ZNF804A: variants seen among roughly 807,000 people sequenced by gnomAD.
ZNF804A encodes the protein zinc finger protein 804A.
In ZNF804A, 2 loss-of-function variants were observed where a neutral mutation model predicts 16.5. That is an observed-to-expected ratio of 0.12 (90% CI 0.05 to 0.38). The LOEUF (loss-of-function observed/expected upper bound fraction) is 0.38. ZNF804A is among the 10% of genes least tolerant of loss of function. The pLI, the probability that ZNF804A is intolerant of heterozygous loss-of-function variation, is 0.99. For missense variants in ZNF804A, 1,473 were observed against 1,390.7 expected (o/e 1.06, Z -0.94); for synonymous variants, 534 against 489.6 (o/e 1.09, Z -1.20).
intron 1 of ZNF804A, among the ~76,000 whole-genome samples, chr2:184,762,978 T>C (rs923933432): frequency 1.3e-5 from 2 of 152,188 alleles, no homozygotes; most frequent in South Asian, 2.1e-4. Flanking sequence ...AAATCACAAA[T>C]GTTATTTCTA....
At position 184,883,757 on chromosome 2, in the gene ZNF804A, C is replaced by A. The variant is rs78519785; in HGVS notation, c.255+17245C>A. On this transcript the variant is annotated intron_variant, in intron 2 of 3. Transcript: ENST00000302277. The stretch of plus-strand genomic sequence containing the variant: ...CATTTGATAAAATTCAACACCCCTT[C>A]GCATTAAAAACCCTCAACAAACCAG... 1.1e-4 allele frequency among the ~76,000 whole-genome samples: 17 copies of A among 151,968 alleles called. 1 individual carries two copies. Among genetic ancestry groups the A allele is most frequent in the Admixed American group, 9.8e-4 (15 of 15,246 alleles).
intron 1 of ZNF804A, among the ~76,000 whole-genome samples, chr2:184,813,993 C>CTTTTTTTTT (rs1163432699): frequency 8.1e-5 from 4 of 49,196 alleles, no homozygotes; most frequent in Admixed American, 2.9e-4. Context: ...AGAAAGGCAG[C>CTTTTTTTTT]TTTTTTTTTT....
chr2:184,847,375 A>G (rs909176263), intron 1 of ZNF804A, among the ~76,000 whole-genome samples: 3 of 151,972 alleles, frequency 2.0e-5, no homozygotes, highest in East Asian at 1.9e-4. Context: ...TTCTAACTCA[A>G]TTGTTATTTG....
At chr2:184,831,305 C>G (rs565458257) in intron 1 of ZNF804A, among the ~76,000 whole-genome samples, 1 of 151,570 alleles carries the variant, frequency 6.6e-6, no homozygotes, top group Non-Finnish European at 1.5e-5. Context: ...TTCCTTTACT[C>G]TGTGTGTGTG....
chr2:184,728,870 G>T (rs1210655010), intron 1 of ZNF804A, among the ~76,000 whole-genome samples: 1 of 151,766 alleles, frequency 6.6e-6, no homozygotes, highest in Non-Finnish European at 1.5e-5. Flanking sequence ...TTTAAAAAAG[G>T]AAATGGTCTT....
chr2:184,611,693 C>A (rs1559107705), intron 1 of ZNF804A, among the ~76,000 whole-genome samples: 4 of 151,690 alleles, frequency 2.6e-5, no homozygotes, highest in Non-Finnish European at 5.9e-5. Flanking sequence ...CTCTTCTTTT[C>A]AAAAAAACAG....
At chr2:184,725,033 A>AT (rs1452606276) in intron 1 of ZNF804A, among the ~76,000 whole-genome samples, 1 of 151,742 alleles carries the variant, frequency 6.6e-6, no homozygotes, top group Admixed American at 6.6e-5. Flanking sequence ...ATTTATAATT[A>AT]TTTTTTGAGA....
chr2:184,613,446 T>A (rs1452815610), intron 1 of ZNF804A, among the ~76,000 whole-genome samples: 1 of 152,198 alleles, frequency 6.6e-6, no homozygotes, highest in African/African-American at 2.4e-5. Context: ...AATAATTCAT[T>A]TGAAAAGGAA....
chr2:184,747,724 G>GT, intron 1 of ZNF804A, among the ~76,000 whole-genome samples: 1 of 150,944 alleles, frequency 6.6e-6, no homozygotes, highest in Non-Finnish European at 1.5e-5. Context: ...GGAGGTACAT[G>GT]TGTAGGATGG....
At chr2:184,893,295 C>T (rs1220462074) in intron 2 of ZNF804A, among the ~76,000 whole-genome samples, 1 of 151,956 alleles carries the variant, frequency 6.6e-6, no homozygotes, top group Non-Finnish European at 1.5e-5. Context: ...TCCTAACCAA[C>T]TTAGGACTCA....
At chr2:184,690,026 A>T (rs114981411) in intron 1 of ZNF804A, among the ~76,000 whole-genome samples, 1 of 151,966 alleles carries the variant, frequency 6.6e-6, no homozygotes, top group Non-Finnish European at 1.5e-5. Context: ...ATTTCAAAAC[A>T]TCTCTCAAAA....
intron 1 of ZNF804A, among the ~76,000 whole-genome samples, chr2:184,630,413 G>A (rs972775984): frequency 2.3e-4 from 35 of 152,052 alleles, no homozygotes; most frequent in African/African-American, 7.5e-4. Flanking sequence ...TCCTTCCTCC[G>A]ATTTTTTACA....
intron 1 of ZNF804A, among the ~76,000 whole-genome samples, chr2:184,600,614 C>T (rs113222766): frequency 3.3e-5 from 5 of 152,070 alleles, no homozygotes; most frequent in East Asian, 3.9e-4. Context: ...ATTTAACTTA[C>T]GGTTAAAGGC....
intron 1 of ZNF804A, among the ~76,000 whole-genome samples, chr2:184,802,946 T>C (rs1015497538): frequency 6.6e-6 from 1 of 152,162 alleles, no homozygotes; most frequent in Non-Finnish European, 1.5e-5. Flanking sequence ...AGGAAAGTGA[T>C]TTTACTTCTT....
At chr2:184,785,278 A>G (rs1320080) in intron 1 of ZNF804A, among the ~76,000 whole-genome samples, 21,655 of 151,962 alleles carry the variant, frequency 0.14, 1,679 homozygotes, top group Middle Eastern at 0.24. Flanking sequence ...ATCTGCATAA[A>G]TTAATAGTAA....
At chr2:184,815,228 A>C (rs1039643790) in intron 1 of ZNF804A, among the ~76,000 whole-genome samples, 5 of 152,020 alleles carry the variant, frequency 3.3e-5, no homozygotes, top group Admixed American at 3.3e-4. Context: ...CCTATTTTTC[A>C]GTACCGATAG....
At position 184,646,443 on chromosome 2, in the gene ZNF804A, C is replaced by T. The variant is rs868529707; in HGVS notation, c.111+47373C>T. ...CATCAGGGCCCTCTGTGGTTTATGC[C>T]CAGGCAGAGCTCCAAGTATTCAGAG... On this transcript the variant is annotated intron_variant, in intron 1 of 3. Transcript: ENST00000302277. Among the ~76,000 whole-genome samples, 4 of 152,148 alleles carry T rather than the reference C, an allele frequency of 2.6e-5. 1 individual carries two copies. Among genetic ancestry groups the T allele is most frequent in the Admixed American group, 2.0e-4 (3 of 15,276 alleles).
chr2:184,866,563 T>A (rs1033946825), intron 2 of ZNF804A, 51 bp downstream of exon 2: 4 of 1,527,666 alleles, frequency 2.6e-6, no homozygotes, highest in Non-Finnish European at 3.5e-6. Context: ...TGTGTAATAG[T>A]TTTAATTGTG....
chr2:184,736,719 G>A (rs1402623167), intron 1 of ZNF804A, among the ~76,000 whole-genome samples: 3 of 152,030 alleles, frequency 2.0e-5, no homozygotes, highest in African/African-American at 7.2e-5. Context: ...AAAGAAAAAG[G>A]AAAAAAGAAA....
Sources: allele counts gnomAD v4.1 joint callset (sites outside exome capture counted in the v4.1 genomes callset), GRCh38; gene constraint gnomAD v4.1.1; transcripts MANE v1.5; gene names NCBI Gene and HGNC (gene_info 2026-07-23, HGNC 2026-07-21).